The following ZNF500 variants were observed in gnomAD, a reference collection of about 807,000 sequenced individuals.
ZNF500 encodes the protein zinc finger protein with KRAB and SCAN domains 18.
In ZNF500, 31 loss-of-function variants were observed where a neutral mutation model predicts 30.1. The observed-to-expected ratio is 1.03, with a 90% CI of 0.77 to 1.39. The LOEUF is 1.39. Among genes scored for constraint, ZNF500 ranks in the 40% most tolerant of loss-of-function variants. The probability of loss-of-function intolerance (pLI) is 0.00; values close to 1 mark genes in which losing one functional copy is unlikely to be tolerated. For synonymous variants in ZNF500, 392 were observed against 282.0 expected, an observed-to-expected ratio of 1.39 and a Z score of -3.91; for missense variants, 817 against 657.8, an observed-to-expected ratio of 1.24 and a Z score of -2.65.
At position 4,749,347 on chromosome 16, in the gene ZNF500, C is replaced by G. The variant is rs2082056819; in HGVS notation, c.*3029G>C. ...CCCACCTTTTTAATGCCAGTAACCT[C>G]ACTGAGAATGTTTTACAGTGATGGA... is the stretch of plus-strand genomic sequence containing the variant. On this transcript the variant is annotated 3_prime_UTR_variant, in exon 6 of 6. Transcript: ENST00000219478. 1 of 154,464 alleles carries G rather than the reference C, an allele frequency of 6.5e-6. No homozygotes were observed. Among genetic ancestry groups the G allele is most frequent in the Non-Finnish European group, 1.5e-5 (1 of 68,226 alleles). The allele number at this position is 154,464 out of a possible 1,614,324, so 9.6% of individuals were successfully genotyped here.
At position 4,751,667 on chromosome 16, in the gene ZNF500, G is replaced by C. The variant is rs1438537154; in HGVS notation, c.*709C>G. 6.5e-7 allele frequency: 1 copy of C among 1,530,702 alleles called. No individual in the cohort carries two copies. The highest frequency in any genetic ancestry group is 8.8e-7 in the Non-Finnish European group (1 of 1,142,594). 94.8% of individuals were successfully genotyped at this position (1,530,702 alleles called of 1,614,324 possible). A position where few individuals can be genotyped will look rare whatever the true frequency, so the allele number is the denominator to read the frequency against. ...AGACCTCAGAATGTGACCTTATTTG[G>C]AAACACGGGTTTTGATGATATAATT... is the stretch of plus-strand genomic sequence containing the variant. On this transcript the variant is annotated 3_prime_UTR_variant, in exon 6 of 6. Coordinates refer to ENST00000219478, the MANE Select transcript of ZNF500 (RefSeq NM_021646.4).
chr16:4,756,999 AG>A (rs1306248249), intron 5 of ZNF500, among the ~76,000 whole-genome samples: 1 of 151,954 alleles, frequency 6.6e-6, no homozygotes, highest in Non-Finnish European at 1.5e-5. Flanking sequence ...AGAAAAAAAA[AG>A]TTTTGGAACT....
downstream of ZNF500, chr16:4,747,311 G>C: frequency 6.5e-7 from 1 of 1,530,384 alleles, no homozygotes; most frequent in Non-Finnish European, 8.8e-7. Context: ...GCCCCCACGG[G>C]GTTGAGTGAA....
Position 4,762,630 on chromosome 16 carries a change from G to A in ZNF500, c.541C>T (p.Pro181Ser), listed in dbSNP as rs2082218699. The A allele has an allele frequency of 1.2e-6, 2 of 1,614,078 alleles. No individual in the cohort carries two copies. The highest frequency in any genetic ancestry group is 2.2e-5 in the East Asian group (1 of 44,884). Residue 181 changes from proline (P) to serine (S), a missense_variant, in exon 3 of 6, where the codon CCC (proline) becomes TCC (serine). Transcript: ENST00000219478. ...EEEARFSSQQ[P>S]PAQLSHRPQR... ...GGCCTGTGGCTCAGCTGGGCTGGGGGCTGCTGGCTGGAGAATCGAGCCTCT... is the reference window on the plus strand; with the variant it reads ...GGCCTGTGGCTCAGCTGGGCTGGGGACTGCTGGCTGGAGAATCGAGCCTCT...
At chr16:4,746,642 G>A, downstream of ZNF500, 2 of 1,268,976 alleles carry the variant, frequency 1.6e-6, no homozygotes, top group Non-Finnish European at 2.1e-6. Flanking sequence ...ATTCTCAATT[G>A]AAAAGTGCTG....
chr16:4,763,950 C>T (rs761734888), intron 2 of ZNF500: 2 of 985,330 alleles, frequency 2.0e-6, no homozygotes, highest in African/African-American at 3.5e-5. Context: ...TGCCCATGTG[C>T]CCCATCCACG....
chr16:4,751,599 C>T lies in ZNF500; in HGVS notation c.*777G>A. On this transcript the variant is annotated 3_prime_UTR_variant, in exon 6 of 6. Coordinates refer to ENST00000219478, the MANE Select transcript of ZNF500 (RefSeq NM_021646.4). ...CTGGGAAGGCTGGGGTACAGCAGGG[C>T]TCCCTGCAGCAGACGAGGGGTCCCT... 7 of 1,535,196 alleles carry T rather than the reference C, an allele frequency of 4.6e-6. No homozygotes were observed. Among genetic ancestry groups the T allele is most frequent in the Non-Finnish European group, 5.2e-6 (6 of 1,146,706 alleles).
chr16:4,744,847 G>A, downstream of ZNF500: 1 of 1,605,790 alleles, frequency 6.2e-7, no homozygotes, highest in South Asian at 1.1e-5. Flanking sequence ...CCACTAATCA[G>A]CCTCTCCTTT....
At chr16:4,766,618 C>G (rs1013702408) in intron 1 of ZNF500, among the ~76,000 whole-genome samples, 4 of 152,130 alleles carry the variant, frequency 2.6e-5, no homozygotes, top group South Asian at 2.1e-4. Context: ...GAGACTCAAA[C>G]AAAAACAATC....
downstream of ZNF500, chr16:4,747,768 T>C: frequency 9.2e-7 from 1 of 1,081,262 alleles, no homozygotes; most frequent in Non-Finnish European, 1.3e-6. Flanking sequence ...TTTGGACTGT[T>C]GCCCACCCTG....
In ZNF500 at chr16:4,760,532, G is replaced by A. The variant is rs1195007134; in HGVS notation, c.720C>T (p.Cys240=). 3.1e-6 allele frequency: 5 copies of A among 1,613,670 alleles called. No individual in the cohort carries two copies. Among genetic ancestry groups the A allele is most frequent in the Admixed American group, 3.3e-5 (2 of 59,952 alleles). The part of the protein sequence containing the change: ...AVYLSGEEPR[C]MDPAQRDAPL... ...GCGCGTCCCGCTGAGCTGGGTCCAT[G>A]CATCTTGGCTCCTCCCCAGAAAGGT... Residue 240 remains cysteine, a synonymous_variant, in exon 5 of 6, where the codon TGC becomes TGT. Transcript: ENST00000219478.
intron 4 of ZNF500, among the ~76,000 whole-genome samples, chr16:4,760,826 G>A (rs528213100): frequency 9.9e-5 from 15 of 152,208 alleles, no homozygotes; most frequent in African/African-American, 3.4e-4. Flanking sequence ...GATTCGCCAC[G>A]AGGAGTGGTG....
chr16:4,752,025 G>T lies in ZNF500; in HGVS notation c.*351C>A. On this transcript the variant is annotated 3_prime_UTR_variant, in exon 6 of 6. Coordinates refer to ENST00000219478, the MANE Select transcript of ZNF500 (RefSeq NM_021646.4). ...TGAGGCTGTATGCCAGCAGCCACTGGATGCTGGAGGCAGCTGATGGACCCT... is the reference window on the plus strand; with the variant it reads ...TGAGGCTGTATGCCAGCAGCCACTGTATGCTGGAGGCAGCTGATGGACCCT... 8.1e-7 allele frequency: 1 copy of T among 1,229,776 alleles called. No individual in the cohort carries two copies. Among genetic ancestry groups the T allele is most frequent in the East Asian group, 3.5e-5 (1 of 28,604 alleles). The allele number at this position is 1,229,776 out of a possible 1,614,324, so 76.2% of individuals were successfully genotyped here. A position where few individuals can be genotyped will look rare whatever the true frequency, so the allele number is the denominator to read the frequency against.
chr16:4,747,316 A>G, downstream of ZNF500: 1 of 1,531,398 alleles, frequency 6.5e-7, no homozygotes, highest in Non-Finnish European at 8.8e-7. Context: ...CACGGGGTTG[A>G]GTGAATTTGG....
chr16:4,766,726 G>C (rs919283877), intron 1 of ZNF500, among the ~76,000 whole-genome samples: 1 of 152,230 alleles, frequency 6.6e-6, no homozygotes, highest in Non-Finnish European at 1.5e-5. Flanking sequence ...CTGATGAAAA[G>C]TAGGGCCTTT....
Position 4,765,912 on chromosome 16 carries a change from G to C in ZNF500, c.67C>G (p.Leu23Val). ...LEQDLEQEEI[L>V]IVKVEEDFCL... ...AAGTCCTCCTCCACCTTCACAATCA[G>C]GATCTCTTCCTGTTCCAGGTCCTGC... is the stretch of plus-strand genomic sequence containing the variant. The change falls in exon 2 of 6, where the codon CTG becomes GTG. Residue 23 changes from leucine (L) to valine (V), a missense_variant. Transcript: ENST00000219478. The C allele has an allele frequency of 6.2e-7, 1 of 1,611,684 alleles. No individual in the cohort carries two copies.
At chr16:4,759,333 C>G (rs62036066) in intron 5 of ZNF500, among the ~76,000 whole-genome samples, 1 of 147,648 alleles carries the variant, frequency 6.8e-6, no homozygotes, top group African/African-American at 2.5e-5. Context: ...AACAGCATGG[C>G]GGCTCCTCAA....
At chr16:4,745,966 A>AAG (rs1567506056), downstream of ZNF500, among the ~76,000 whole-genome samples, 1 of 151,598 alleles carries the variant, frequency 6.6e-6, no homozygotes. Flanking sequence ...AAAAAAAAAA[A>AAG]AAAGAAAAAG....
In ZNF500 at chr16:4,752,286, G is replaced by A. The variant is rs898777510; in HGVS notation, c.*90C>T. The stretch of plus-strand genomic sequence containing the variant: ...GGGCCATGGGAGGAAACGGGCAGCT[G>A]GCAATGCTTTCGGACCAGGCTGTCT... On this transcript the variant is annotated 3_prime_UTR_variant, in exon 6 of 6. Coordinates refer to ENST00000219478, the MANE Select transcript of ZNF500 (RefSeq NM_021646.4). 6 of 1,429,938 alleles carry A rather than the reference G, an allele frequency of 4.2e-6. No individual in the cohort carries two copies. The highest frequency in any genetic ancestry group is 2.9e-5 in the African/African-American group (2 of 69,702). The allele number at this position is 1,429,938 out of a possible 1,614,324, so 88.6% of individuals were successfully genotyped here. A position where few individuals can be genotyped will look rare whatever the true frequency, so the allele number is the denominator to read the frequency against.
Sources: gnomAD v4.1 joint callset for allele counts (sites outside exome capture counted in the v4.1 genomes callset) on GRCh38, gnomAD v4.1.1 for gene constraint, MANE v1.5 for transcripts, NCBI Gene and HGNC (gene_info 2026-07-23, HGNC 2026-07-21) for gene names.